Variants in SHANK2 observed in about 807,000 individuals in gnomAD.
SHANK2 encodes the protein SH3 and multiple ankyrin repeat domains protein 2.
In SHANK2, 43 loss-of-function variants were observed where a neutral mutation model predicts 133.7. The ratio of observed to expected loss-of-function variants is 0.32; its 90% CI spans 0.25 to 0.41. The LOEUF (loss-of-function observed/expected upper bound fraction) is 0.41. Ranked by LOEUF, SHANK2 falls within the 10% of genes least tolerant of loss-of-function variation. The pLI, the probability that SHANK2 is intolerant of heterozygous loss-of-function variation, is 1.00. For synonymous variants in SHANK2, 1,017 were observed against 952.8 expected, an observed-to-expected ratio of 1.07 and a Z score of -1.24; for missense variants, 1,994 against 2,235.8, an observed-to-expected ratio of 0.89 and a Z score of 2.18.
chr11:70,698,863 C>T, intron 14 of SHANK2, 100 bp from the exon 15 acceptor site: 1 of 712,472 alleles, frequency 1.4e-6, no homozygotes, highest in Non-Finnish European at 2.6e-6. Context: ...ACCTACTCCC[C>T]AAAATGTGAG....
rs868923546 is a variant in SHANK2 at position 70,469,054 on chromosome 11, G to A, written c.*3815C>T. ...TAGAAGACACCCTGCTGGGGTGTGGGGAGACTGGACCCTAAGGGAAGGGTC... is the reference window on the plus strand; with the variant it reads ...TAGAAGACACCCTGCTGGGGTGTGGAGAGACTGGACCCTAAGGGAAGGGTC... On this transcript the variant is annotated 3_prime_UTR_variant, in exon 26 of 26. Coordinates refer to ENST00000601538, the MANE Select transcript of SHANK2 (RefSeq NM_012309.5). 3 of 152,308 alleles carry A rather than the reference G, an allele frequency of 2.0e-5. No individual in the cohort carries two copies. In the South Asian group the frequency reaches 6.2e-4, roughly 32 times the overall value. The allele number at this position is 152,308 out of a possible 1,614,324, so 9.4% of individuals were successfully genotyped here. A position where few individuals can be genotyped will look rare whatever the true frequency, so the allele number is the denominator to read the frequency against.
intron 17 of SHANK2, among the ~76,000 whole-genome samples, chr11:70,659,277 T>A (rs943645560): frequency 9.9e-5 from 15 of 152,204 alleles, no homozygotes; most frequent in Non-Finnish European, 1.0e-4. Context: ...CTAAGTTTCC[T>A]TTTTGCACCA....
At chr11:70,636,345 G>A (rs2061083040) in intron 17 of SHANK2, among the ~76,000 whole-genome samples, 1 of 152,148 alleles carries the variant, frequency 6.6e-6, no homozygotes, top group Non-Finnish European at 1.5e-5. Context: ...GTGAATGCGT[G>A]TTAGTACATG....
At position 71,147,335 on chromosome 11, in the gene SHANK2, G is replaced by C; in HGVS notation, c.-9C>G. 1 of 1,544,102 alleles carries C rather than the reference G, an allele frequency of 6.5e-7. No homozygotes were observed. Among genetic ancestry groups the C allele is most frequent in the South Asian group, 1.2e-5 (1 of 83,712 alleles). On this transcript the variant is annotated 5_prime_UTR_variant, in exon 3 of 26. Coordinates refer to ENST00000601538, the MANE Select transcript of SHANK2 (RefSeq NM_012309.5). ...GTTGGGCTGCGCGGCATGGCTGCCT[G>C]TGTCTTCGAGGTGGGGAGAAGGAAG...
intron 3 of SHANK2, among the ~76,000 whole-genome samples, chr11:71,130,592 C>T (rs1462535695): frequency 1.3e-5 from 2 of 152,132 alleles, no homozygotes; most frequent in African/African-American, 2.4e-5. Flanking sequence ...TATCTGAAAG[C>T]TGTGGAAAGG....
chr11:70,715,454 A>T (rs1945891903), intron 14 of SHANK2, among the ~76,000 whole-genome samples: 1 of 152,176 alleles, frequency 6.6e-6, no homozygotes, highest in Non-Finnish European at 1.5e-5. Flanking sequence ...CTCTCGGGCC[A>T]AGCCAGGCTG....
rs1335552097 is a variant in SHANK2, at chr11:70,591,027, G to T, written c.2061+68801C>A. Among the ~76,000 whole-genome samples the T allele has an allele frequency of 2.2e-4, 34 of 152,180 alleles. 1 individual carries two copies. Among genetic ancestry groups the T allele is most frequent in the Admixed American group, 2.2e-3 (34 of 15,274 alleles). On this transcript the variant is annotated intron_variant, in intron 17 of 25. Coordinates refer to ENST00000601538, the MANE Select transcript of SHANK2 (RefSeq NM_012309.5). ...GACAAAGAAATGGAGGGAAAGGGAA[G>T]GTCTACAAATGGGTCAGAAAAAGGA...
chr11:70,579,161 T>C (rs547291113), intron 17 of SHANK2, among the ~76,000 whole-genome samples: 2 of 152,334 alleles, frequency 1.3e-5, no homozygotes, highest in South Asian at 4.2e-4. Context: ...AGCTCACCCC[T>C]GGCAAGGTGG....
intron 2 of SHANK2, among the ~76,000 whole-genome samples, chr11:71,179,657 G>C (rs1555113518): frequency 6.6e-6 from 1 of 152,162 alleles, no homozygotes; most frequent in Non-Finnish European, 1.5e-5. Context: ...CTTGTTTGCA[G>C]AAGACATGAT....
intron 17 of SHANK2, among the ~76,000 whole-genome samples, chr11:70,534,077 G>C (rs1165338891): frequency 6.6e-6 from 1 of 152,210 alleles, no homozygotes; most frequent in Non-Finnish European, 1.5e-5. Flanking sequence ...GTATCTGCTA[G>C]GCGCTGCCCT....
chr11:71,157,335 G>T (rs1555109240), intron 2 of SHANK2, among the ~76,000 whole-genome samples: 1 of 152,220 alleles, frequency 6.6e-6, no homozygotes, highest in African/African-American at 2.4e-5. Flanking sequence ...TCCCTTAGAT[G>T]AATTGCAATG....
intron 17 of SHANK2, chr11:70,635,385 C>T (rs2061059472): frequency 6.6e-6 from 1 of 152,194 alleles, no homozygotes; most frequent in African/African-American, 2.4e-5. Context: ...CAGGCTTAAA[C>T]CAGAAGGAGA....
intron 15 of SHANK2, among the ~76,000 whole-genome samples, chr11:70,675,088 T>C (rs1438846099): frequency 2.0e-5 from 3 of 152,186 alleles, no homozygotes; most frequent in African/African-American, 7.2e-5. Context: ...GTTTTAGAAA[T>C]GAGATCATCT....
intron 14 of SHANK2, among the ~76,000 whole-genome samples, chr11:70,770,193 C>A (rs541404749): frequency 5.3e-5 from 8 of 152,356 alleles, no homozygotes; most frequent in Admixed American, 5.2e-4. Context: ...TCTGCTGCCG[C>A]CCACTTGATG....
At position 70,572,873 on chromosome 11, in the gene SHANK2, G is replaced by A. The variant is rs561474299; in HGVS notation, c.2062-69942C>T. Among the ~76,000 whole-genome samples the A allele has an allele frequency of 5.9e-5, 9 of 152,286 alleles. 1 individual carries two copies. Among genetic ancestry groups the A allele is most frequent in the South Asian group, 4.1e-4 (2 of 4,824 alleles). On this transcript the variant is annotated intron_variant, in intron 17 of 25. Transcript: ENST00000601538. ...TCAAACTTACACATCCATCTATCAC[G>A]TGACCCAGGCTTTCCTCTTCTGAGT...
At chr11:71,222,599 C>T (rs1206527407) in intron 2 of SHANK2, among the ~76,000 whole-genome samples, 3 of 152,348 alleles carry the variant, frequency 2.0e-5, no homozygotes, top group African/African-American at 7.2e-5. Flanking sequence ...CTGCCCCAGC[C>T]CCGGGAGAGA....
At chr11:70,504,917 G>A (rs1457911138) in intron 17 of SHANK2, among the ~76,000 whole-genome samples, 2 of 152,092 alleles carry the variant, frequency 1.3e-5, no homozygotes, top group African/African-American at 4.8e-5. Context: ...GGTAGTGGCT[G>A]TTGCTCATTC....
rs1452837878 is a variant in SHANK2, at chr11:70,739,312, A to C, written c.1778-40549T>G. ...TCCACTCATCTCCACCCATCTCCACACATCTCCACACATCTCCACCTCCCC... is the reference window on the plus strand; with the variant it reads ...TCCACTCATCTCCACCCATCTCCACCCATCTCCACACATCTCCACCTCCCC... On this transcript the variant is annotated intron_variant, in intron 14 of 25. Transcript: ENST00000601538. This position sits in a 1 kb window ranked among gnomAD's most constrained non-coding sequence, Gnocchi z 4.3. Among the ~76,000 whole-genome samples the C allele has an allele frequency of 1.3e-5, 2 of 151,516 alleles. No individual in the cohort carries two copies. Among genetic ancestry groups the C allele is most frequent in the Non-Finnish European group, 2.9e-5 (2 of 67,950 alleles).
At chr11:71,088,455 G>A (rs1389248317) in intron 8 of SHANK2, among the ~76,000 whole-genome samples, 2 of 152,088 alleles carry the variant, frequency 1.3e-5, no homozygotes, top group South Asian at 2.1e-4. Flanking sequence ...GTGAATCACC[G>A]ACTTTGAGTT....
Sources: allele counts gnomAD v4.1 joint callset (sites outside exome capture counted in the v4.1 genomes callset), GRCh38; gene constraint gnomAD v4.1.1; non-coding constraint Gnocchi (gnomAD v3.1); transcripts MANE v1.5; gene names NCBI Gene and HGNC (gene_info 2026-07-23, HGNC 2026-07-21).